The following GOT1 variants were observed in gnomAD, a reference collection of about 807,000 sequenced individuals.
GOT1 encodes the protein glutamic-oxaloacetic transaminase 1.
A neutral mutation model predicts 48.2 loss-of-function variants in GOT1; 25 were observed. That is an observed-to-expected ratio of 0.52 (90% CI 0.38 to 0.72). GOT1 has a LOEUF of 0.72. GOT1 is among the 30% of genes least tolerant of loss of function. The pLI, the probability that GOT1 is intolerant of heterozygous loss-of-function variation, is 0.00. For missense variants in GOT1, 380 were observed against 520.1 expected (o/e 0.73, Z 2.62); for synonymous variants, 188 against 193.8 (o/e 0.97, Z 0.25).
At chr10:99,419,665 T>G (rs2032942121) in intron 2 of GOT1, among the ~76,000 whole-genome samples, 1 of 152,152 alleles carries the variant, frequency 6.6e-6, no homozygotes, top group South Asian at 2.1e-4. Context: ...AGAAGGGTGG[T>G]GCCTCCAAGA....
chr10:99,405,691 G>T, intron 5 of GOT1, 65 bp downstream of exon 5: 1 of 813,576 alleles, frequency 1.2e-6, no homozygotes, highest in South Asian at 1.4e-5. Flanking sequence ...AACAGGTATT[G>T]CTTCTACATA....
At chr10:99,399,607 C>A (rs1049450463) in intron 8 of GOT1, among the ~76,000 whole-genome samples, 1 of 150,498 alleles carries the variant, frequency 6.6e-6, no homozygotes, top group Non-Finnish European at 1.5e-5. Flanking sequence ...CCTGTCTCTA[C>A]AAAAAAATCT....
At chr10:99,423,753 A>G (rs1012882809) in intron 1 of GOT1, among the ~76,000 whole-genome samples, 1 of 152,094 alleles carries the variant, frequency 6.6e-6, no homozygotes, top group Non-Finnish European at 1.5e-5. Flanking sequence ...GGCTCAAGCA[A>G]TTCTCTTGCC....
chr10:99,415,315 T>G (rs2032881391), intron 2 of GOT1, among the ~76,000 whole-genome samples: 1 of 152,122 alleles, frequency 6.6e-6, no homozygotes, highest in Non-Finnish European at 1.5e-5. Context: ...TATAAACACC[T>G]CTATGGAAAT....
intron 3 of GOT1, among the ~76,000 whole-genome samples, 193 bp from the exon 4 acceptor site, chr10:99,406,442 A>C (rs774050382): frequency 2.0e-5 from 3 of 152,216 alleles, no homozygotes; most frequent in Non-Finnish European, 4.4e-5. Context: ...CCAGACTTAT[A>C]TTCTACTACA....
intron 2 of GOT1, among the ~76,000 whole-genome samples, chr10:99,413,087 G>A (rs2032848291): frequency 6.6e-6 from 1 of 152,236 alleles, no homozygotes; most frequent in Admixed American, 6.5e-5. Context: ...AAAGCTGGAT[G>A]GAGAATGACT....
At chr10:99,429,350 CTTTTT>C (rs71488890) in intron 1 of GOT1, among the ~76,000 whole-genome samples, 1 of 140,840 alleles carries the variant, frequency 7.1e-6, no homozygotes, top group African/African-American at 2.6e-5. Context: ...GCCCGGCCGA[CTTTTT>C]TTTTTTTTTT....
At chr10:99,416,946 T>G (rs1478272593) in intron 2 of GOT1, among the ~76,000 whole-genome samples, 1 of 152,194 alleles carries the variant, frequency 6.6e-6, no homozygotes, top group Non-Finnish European at 1.5e-5. Flanking sequence ...GATTAAAGAC[T>G]TAAATGTTAG....
intron 8 of GOT1, among the ~76,000 whole-genome samples, chr10:99,398,614 T>G (rs1214745142): frequency 6.6e-6 from 1 of 150,698 alleles, no homozygotes; most frequent in Non-Finnish European, 1.5e-5. Context: ...GAAGTTGCAG[T>G]GAGCCGAGAT....
intron 8 of GOT1, among the ~76,000 whole-genome samples, chr10:99,402,355 A>G (rs79136796): frequency 4.6e-5 from 7 of 152,180 alleles, no homozygotes; most frequent in Admixed American, 4.6e-4. Flanking sequence ...ACACGGAAAT[A>G]TCTTGGCTGT....
At chr10:99,401,779 C>T (rs2032682409) in intron 8 of GOT1, among the ~76,000 whole-genome samples, 2 of 151,900 alleles carry the variant, frequency 1.3e-5, no homozygotes, top group South Asian at 4.2e-4. Context: ...GATTTTCAAT[C>T]AGCTTTTAAT....
At chr10:99,409,662 G>A (rs2032806749) in intron 2 of GOT1, among the ~76,000 whole-genome samples, 1 of 152,108 alleles carries the variant, frequency 6.6e-6, no homozygotes, top group Non-Finnish European at 1.5e-5. Context: ...GATTATAAGA[G>A]ATATAAAACC....
Position 99,420,795 on chromosome 10 carries a change from C to T in GOT1, c.129G>A (p.Thr43=), listed in dbSNP as rs372261060. The T allele has an allele frequency of 5.6e-5, 90 of 1,613,306 alleles. No individual in the cohort carries two copies. Among genetic ancestry groups the T allele is most frequent in the African/African-American group, 2.3e-4 (17 of 75,006 alleles). ...GCAAAACCCAGGGATGGCAGTCATC[C>T]GTGCGATATGCTGGAGAATGGAAAA... is the stretch of plus-strand genomic sequence containing the variant. ...KVNLGVGAYR[T]DDCHPWVLPV... is the part of the protein sequence containing the mutation. Residue 43 remains threonine, a synonymous_variant, in exon 2 of 9, where the codon ACG becomes ACA. Transcript: ENST00000370508.
chr10:99,398,617 G>A (rs1314885143), intron 8 of GOT1, among the ~76,000 whole-genome samples: 1 of 150,740 alleles, frequency 6.6e-6, no homozygotes, highest in Non-Finnish European at 1.5e-5. Flanking sequence ...GTTGCAGTGA[G>A]CCGAGATCAC....
At chr10:99,422,616 C>T (rs1018076421) in intron 1 of GOT1, among the ~76,000 whole-genome samples, 1 of 152,060 alleles carries the variant, frequency 6.6e-6, no homozygotes, top group Non-Finnish European at 1.5e-5. Flanking sequence ...CATTCTTATC[C>T]TCTATCTACC....
At chr10:99,411,825 C>T (rs149540727) in intron 2 of GOT1, among the ~76,000 whole-genome samples, 109 of 152,224 alleles carry the variant, frequency 7.2e-4, no homozygotes, top group Non-Finnish European at 1.4e-3. Flanking sequence ...CCTGAGGTAC[C>T]CGGATAGGAG....
At chr10:99,403,231 G>GC (rs1490287415) in intron 7 of GOT1, among the ~76,000 whole-genome samples, 1 of 152,082 alleles carries the variant, frequency 6.6e-6, no homozygotes, top group African/African-American at 2.4e-5. Flanking sequence ...TGGGTGGGGG[G>GC]GGAAATTGGG....
intron 1 of GOT1, among the ~76,000 whole-genome samples, chr10:99,428,985 C>T (rs2033075938): frequency 1.3e-5 from 2 of 152,104 alleles, no homozygotes; most frequent in Non-Finnish European, 2.9e-5. Flanking sequence ...CAACAAATTA[C>T]CCGCTTCAAC....
At chr10:99,425,207 G>A (rs2033022691) in intron 1 of GOT1, among the ~76,000 whole-genome samples, 1 of 152,250 alleles carries the variant, frequency 6.6e-6, no homozygotes, top group African/African-American at 2.4e-5. Context: ...GCATGCGAGA[G>A]GGCACACCTG....
Sources: gnomAD v4.1 joint callset for allele counts (sites outside exome capture counted in the v4.1 genomes callset) on GRCh38, gnomAD v4.1.1 for gene constraint, MANE v1.5 for transcripts, NCBI Gene and HGNC (gene_info 2026-07-23, HGNC 2026-07-21) for gene names.